TTC34: variants seen among roughly 807,000 people sequenced by gnomAD.
TTC34 encodes tetratricopeptide repeat protein 34.
Under a neutral mutation model 40.7 loss-of-function variants are expected in TTC34, and 44 were observed. That is an observed-to-expected ratio of 1.08 (90% confidence interval 0.85 to 1.39). The LOEUF is 1.39. Among genes scored for constraint, TTC34 ranks in the 40% most tolerant of loss-of-function variants. The probability of loss-of-function intolerance (pLI) is 0.00; values close to 1 mark genes in which losing one functional copy is unlikely to be tolerated. For synonymous variants in TTC34, 422 were observed against 398.6 expected (o/e 1.06, Z -0.70); for missense variants, 884 against 838.0 (o/e 1.05, Z -0.68).
intron 6 of TTC34, among the ~76,000 whole-genome samples, chr1:2,683,674 C>G (rs557908950): frequency 6.7e-6 from 1 of 149,172 alleles, no homozygotes. Context: ...CACGCTGCAC[C>G]CCCAGGTGAC....
At chr1:2,637,266 C>T (rs1638813311) in exon 9 of TTC34, 1 of 152,162 alleles carries the variant, frequency 6.6e-6, no homozygotes, top group Non-Finnish European at 1.5e-5. Flanking sequence ...GGGGATCAAT[C>T]AGAGGAAAGC....
chr1:2,787,588 G>A (rs1031280020), exon 4 of TTC34: 20 of 1,549,240 alleles, frequency 1.3e-5, no homozygotes, highest in Non-Finnish European at 1.6e-5. Flanking sequence ...AGGGCCTTGT[G>A]GGTCTCCTCC....
At chr1:2,687,770 G>C (rs28581947) in intron 6 of TTC34, among the ~76,000 whole-genome samples, 722 of 29,112 alleles carry the variant, frequency 0.025, 9 homozygotes, top group African/African-American at 0.056. Context: ...CCCACACCCT[G>C]AGGCGAGCAT....
At chr1:2,776,049 G>A (rs1643125906) in intron 6 of TTC34, 1 of 135,784 alleles carries the variant, frequency 7.4e-6, no homozygotes, top group Non-Finnish European at 1.5e-5. Context: ...CCACCCCCAG[G>A]TGAGCATCTG....
chr1:2,753,416 C>A (rs1295018500), intron 6 of TTC34, among the ~76,000 whole-genome samples: 12 of 126,412 alleles, frequency 9.5e-5, no homozygotes, highest in African/African-American at 1.7e-4. Context: ...GCACCCACAC[C>A]CACAGGTGAG....
At chr1:2,683,837 C>A (rs1216661765) in intron 6 of TTC34, among the ~76,000 whole-genome samples, 3 of 143,872 alleles carry the variant, frequency 2.1e-5, no homozygotes, top group East Asian at 2.1e-4. Flanking sequence ...CCCACACCCC[C>A]AGGTGAACAT....
At position 2,748,821 on chromosome 1, in the gene TTC34, G is replaced by A. The variant is rs1236628594; in HGVS notation, c.2226+34788C>T. Among the ~76,000 whole-genome samples the A allele has an allele frequency of 2.3e-3, 303 of 134,272 alleles. 86 individuals are homozygous for A. The highest frequency in any genetic ancestry group is 9.4e-3 in the African/African-American group (293 of 31,126). The allele number at this position is 134,272 out of a possible 152,430, so 88.1% of individuals were successfully genotyped here. A position where few individuals can be genotyped will look rare whatever the true frequency, so the allele number is the denominator to read the frequency against. On this transcript the variant is annotated intron_variant, in intron 6 of 8. Transcript: ENST00000401095. ...CACACCCACAGGCGAGCATCTGACA[G>A]CCTCGGTCGGCACCCACAAACCCAG... is the stretch of plus-strand genomic sequence containing the variant.
At chr1:2,687,592 G>A (rs1285425721) in intron 6 of TTC34, among the ~76,000 whole-genome samples, 12 of 148,392 alleles carry the variant, frequency 8.1e-5, no homozygotes, top group Middle Eastern at 3.6e-3. Context: ...TGACAGCCTG[G>A]AACAGCACCC....
chr1:2,792,033 T>TTTTTAA (rs1553171534), intron 2 of TTC34, among the ~76,000 whole-genome samples: 1 of 107,104 alleles, frequency 9.3e-6, no homozygotes, highest in Non-Finnish European at 1.8e-5. Context: ...TTTTTTTTTT[T>TTTTTAA]AAAGACAGGG....
chr1:2,685,741 C>A (rs1319754316), intron 6 of TTC34, among the ~76,000 whole-genome samples: 36 of 125,364 alleles, frequency 2.9e-4, no homozygotes, highest in East Asian at 8.1e-4. Context: ...ATCTGATGGT[C>A]TGGAGCAGAA....
Position 2,645,417 on chromosome 1 carries a change from GTC to G in TTC34, c.2371_2372del (p.Asp791HisfsTer167), listed in dbSNP as rs1175487956. On this transcript the variant is annotated frameshift_variant, in exon 7 of 9. Coordinates refer to ENST00000401095, the Ensembl canonical transcript of TTC34. LOFTEE classifies it high-confidence loss of function. This position sits in a 1 kb window ranked among gnomAD's most constrained non-coding sequence, Gnocchi z 4.7. ...CCTTGTCCTCGAGAGGGGCCCCAGT[GTC>G]TGGCAGCTGGCTCAGAAGGGCCCGG... 9 of 1,535,892 alleles carry G rather than the reference GTC, an allele frequency of 5.9e-6. No homozygotes were observed. The Admixed American group carries it at 1.8e-4, about 30-fold the overall frequency.
At chr1:2,688,330 C>T (rs1237955011) in intron 6 of TTC34, among the ~76,000 whole-genome samples, 2 of 150,548 alleles carry the variant, frequency 1.3e-5, no homozygotes, top group East Asian at 1.9e-4. Context: ...AACCCCACAC[C>T]CCCAGGTGAG....
intron 6 of TTC34, among the ~76,000 whole-genome samples, chr1:2,750,568 C>A: frequency 1.3e-5 from 2 of 151,884 alleles, no homozygotes; most frequent in African/African-American, 4.9e-5. Context: ...CCCACACCCC[C>A]AGGTGAGCAT....
At chr1:2,653,284 G>GAGCATCTGACAGCGTGGAACAGTACGCA (rs1639212800) in intron 6 of TTC34, among the ~76,000 whole-genome samples, 1 of 8,200 alleles carries the variant, frequency 1.2e-4, no homozygotes, top group Non-Finnish European at 3.1e-4. Context: ...ACAGCACCCT[G>GAGCATCTGACAGCGTGGAACAGTACGCA]CACCCCCAGG....
intron 6 of TTC34, among the ~76,000 whole-genome samples, chr1:2,653,386 C>G (rs1208270891): frequency 2.2e-3 from 328 of 150,696 alleles, no homozygotes; most frequent in African/African-American, 7.8e-3. Flanking sequence ...GAGCATCTGA[C>G]AGCATGTAAC....
At chr1:2,751,943 T>C (rs1641334277) in intron 6 of TTC34, among the ~76,000 whole-genome samples, 1 of 110,618 alleles carries the variant, frequency 9.0e-6, no homozygotes, top group Non-Finnish European at 1.7e-5. Flanking sequence ...CAGGTGAACA[T>C]CGGAGAGTCT....
At chr1:2,752,278 C>A (rs1641345806) in intron 6 of TTC34, among the ~76,000 whole-genome samples, 1 of 104,288 alleles carries the variant, frequency 9.6e-6, no homozygotes, top group Non-Finnish European at 1.8e-5. Flanking sequence ...CAGCCTGGAA[C>A]AGCACCTTGC....
At chr1:2,786,809 G>T (rs2100625831) in intron 4 of TTC34, among the ~76,000 whole-genome samples, 1 of 152,300 alleles carries the variant, frequency 6.6e-6, no homozygotes, top group East Asian at 1.9e-4. Context: ...GCTGCCCCCT[G>T]CTGGCTGCTG....
At chr1:2,688,600 A>G (rs1400608482) in intron 6 of TTC34, among the ~76,000 whole-genome samples, 1 of 138,442 alleles carries the variant, frequency 7.2e-6, no homozygotes, top group Non-Finnish European at 1.5e-5. Context: ...AGCCTGGAGC[A>G]GCACCCACAC....
Sources: allele counts gnomAD v4.1 joint callset (sites outside exome capture counted in the v4.1 genomes callset), GRCh38; gene constraint gnomAD v4.1.1; non-coding constraint Gnocchi (gnomAD v3.1); transcripts MANE v1.5; gene names NCBI Gene and HGNC (gene_info 2026-07-23, HGNC 2026-07-21).